Variants in NHS observed in about 807,000 individuals in gnomAD.
The protein encoded by NHS is actin remodeling regulator NHS.
Under a neutral mutation model 72.5 loss-of-function variants are expected in NHS, and 5 were observed. That is an observed-to-expected ratio of 0.07 (90% CI 0.04 to 0.14). NHS has a LOEUF of 0.14. Ranked by LOEUF, NHS falls within the 10% of genes least tolerant of loss-of-function variation. The probability of loss-of-function intolerance (pLI) is 1.00; values close to 1 mark genes in which losing one functional copy is unlikely to be tolerated. For missense variants in NHS, 1,072 were observed against 1,355.7 expected, an observed-to-expected ratio of 0.79 and a Z score of 3.29; for synonymous variants, 464 against 547.7, an observed-to-expected ratio of 0.85 and a Z score of 2.13.
chrX:17,432,353 C>T (rs1472088231), intron 1 of NHS, among the ~76,000 whole-genome samples: 1 of 112,539 alleles, frequency 8.9e-6, no homozygotes, highest in African/African-American at 3.2e-5. Flanking sequence ...GAAGCTGTGC[C>T]TGAGTGTGTC....
intron 1 of NHS, among the ~76,000 whole-genome samples, chrX:17,447,004 C>T (rs2064784193): frequency 8.9e-6 from 1 of 112,086 alleles, no homozygotes; most frequent in Non-Finnish European, 1.9e-5. Context: ...AAAATGCAAT[C>T]AGTAAGTAAC....
At chrX:17,440,079 G>T (rs938178820) in intron 1 of NHS, among the ~76,000 whole-genome samples, 1 of 109,255 alleles carries the variant, frequency 9.2e-6, no homozygotes, top group Non-Finnish European at 1.9e-5. Flanking sequence ...GGCCAACGTG[G>T]TGAAACCCCC....
At chrX:17,730,154 T>A (rs913939684) in intron 8 of NHS, among the ~76,000 whole-genome samples, 2 of 111,897 alleles carry the variant, frequency 1.8e-5, no homozygotes, top group South Asian at 7.5e-4. Flanking sequence ...TTATCTTCAA[T>A]CCCAGGAAAA....
chrX:17,618,308 T>G (rs1369545142), intron 1 of NHS, among the ~76,000 whole-genome samples: 1 of 112,154 alleles, frequency 8.9e-6, no homozygotes, highest in Non-Finnish European at 1.9e-5. Context: ...TACAGCCAAA[T>G]CCACATCATT....
At chrX:17,695,769 C>T (rs914196077) in intron 3 of NHS, among the ~76,000 whole-genome samples, 2 of 111,110 alleles carry the variant, frequency 1.8e-5, no homozygotes, top group Non-Finnish European at 3.8e-5. Flanking sequence ...CAAAAGTTCT[C>T]CAGGGGGAAC....
chrX:17,410,326 G>A (rs1328103306), intron 1 of NHS, among the ~76,000 whole-genome samples: 1 of 110,710 alleles, frequency 9.0e-6, no homozygotes, highest in African/African-American at 3.3e-5. Flanking sequence ...GAATCTGGTG[G>A]GATTACTTTG....
intron 1 of NHS, among the ~76,000 whole-genome samples, chrX:17,596,217 G>A (rs1351107388): frequency 1.8e-5 from 2 of 112,348 alleles, no homozygotes; most frequent in African/African-American, 6.5e-5. Flanking sequence ...TCAAGACAGA[G>A]GCAAAGTCTG....
rs775351254 is a variant in NHS at position 17,687,729 on chromosome X, T to TA, written c.566-13_566-12insA. ...AGCCACTGATGGACAACGCCCTGTTTCTTGTCTTGCAGCCGTCTCCAACCT... is the reference window on the plus strand; with the variant it reads ...AGCCACTGATGGACAACGCCCTGTTTACTTGTCTTGCAGCCGTCTCCAACCT... On this transcript the variant is annotated splice_polypyrimidine_tract_variant and intron_variant, in intron 1 of 8. Transcript: ENST00000676302. 4 of 1,060,366 alleles carry TA rather than the reference T, an allele frequency of 3.8e-6. No individual in the cohort carries two copies. The African/African-American group carries it at 1.6e-4, about 41-fold the overall frequency. 87.4% of individuals were successfully genotyped at this position (1,060,366 alleles called of 1,213,427 possible).
intron 1 of NHS, among the ~76,000 whole-genome samples, chrX:17,429,257 T>C (rs181860790): frequency 0.01 from 1,068 of 106,557 alleles, 10 homozygotes; most frequent in Admixed American, 0.034. Flanking sequence ...TGTGTGTGTG[T>C]GCACACGTGC....
intron 1 of NHS, among the ~76,000 whole-genome samples, chrX:17,499,941 G>A (rs2146923548): frequency 8.9e-6 from 1 of 112,192 alleles, no homozygotes; most frequent in East Asian, 2.8e-4. Flanking sequence ...TGCCATGCAG[G>A]GCTCTGAAAG....
intron 1 of NHS, among the ~76,000 whole-genome samples, chrX:17,567,475 G>C (rs779915418): frequency 8.9e-6 from 1 of 111,781 alleles, no homozygotes; most frequent in Non-Finnish European, 1.9e-5. Context: ...GGGGTTATGC[G>C]CTGTCTCATC....
intron 3 of NHS, among the ~76,000 whole-genome samples, chrX:17,719,086 G>A (rs2066389037): frequency 1.0e-5 from 1 of 99,092 alleles, no homozygotes; most frequent in South Asian, 5.3e-4. Context: ...AGGAAGGAGG[G>A]AAGAAAAGGA....
intron 1 of NHS, among the ~76,000 whole-genome samples, chrX:17,623,426 G>A (rs1461235271): frequency 9.0e-6 from 1 of 111,687 alleles, no homozygotes; most frequent in Non-Finnish European, 1.9e-5. Flanking sequence ...GCTAGACAGC[G>A]AATGAAGCCC....
At position 17,726,202 on chromosome X, in the gene NHS, C is replaced by A; in HGVS notation, c.2096C>A (p.Ala699Glu). The A allele has an allele frequency of 8.3e-7, 1 of 1,212,087 alleles. No individual in the cohort carries two copies. The highest frequency in any genetic ancestry group is 1.1e-6 in the Non-Finnish European group (1 of 895,593). The part of the protein sequence containing the change: ...DHLDKVRGHR[A>E]NSFTSTVADL... ...TTGGATAAAGTGAGAGGCCATCGGG[C>A]AAACTCCTTTACCTCCACTGTTGCA... Residue 699 changes from alanine to glutamate, a missense_variant, in exon 7 of 9, where the codon GCA becomes GAA. Physicochemically the swap from Ala to Glu is moderately radical, Grantham distance 107. Coordinates refer to ENST00000676302, the MANE Select transcript of NHS (RefSeq NM_001291867.2).
intron 1 of NHS, among the ~76,000 whole-genome samples, chrX:17,380,479 A>G (rs1254692579): frequency 2.7e-5 from 3 of 109,774 alleles, no homozygotes; most frequent in Non-Finnish European, 3.8e-5. Flanking sequence ...CGGCCCCCCA[A>G]GTAGCTAGGA....
chrX:17,596,138 C>T (rs1178978054), intron 1 of NHS, among the ~76,000 whole-genome samples: 2 of 112,379 alleles, frequency 1.8e-5, no homozygotes, highest in East Asian at 2.8e-4. Context: ...CTCAGTTTTT[C>T]AGTCTGTAGG....
chrX:17,676,548 AT>A (rs769103029), intron 1 of NHS, among the ~76,000 whole-genome samples: 3 of 112,666 alleles, frequency 2.7e-5, no homozygotes, highest in Non-Finnish European at 5.6e-5. Context: ...ACCCATAACT[AT>A]TTGTTTCGCT....
intron 1 of NHS, among the ~76,000 whole-genome samples, chrX:17,408,177 T>C (rs752710914): frequency 4.3e-4 from 47 of 110,520 alleles, no homozygotes; most frequent in Non-Finnish European, 7.2e-4. Flanking sequence ...GGCTAATTTT[T>C]GTATTTTTTG....
rs1466583853 is a variant in NHS at position 17,615,174 on chromosome X, TATATATATAGTATATATACAC to T, written c.566-72560_566-72540del. 6.2e-4 allele frequency among the ~76,000 whole-genome samples: 25 copies of T among 40,623 alleles called. No individual in the cohort carries two copies. The Middle Eastern group carries it at 0.032, about 51-fold the overall frequency. The allele number at this position is 40,623 out of a possible 115,157, so 35.3% of individuals were successfully genotyped here. On this transcript the variant is annotated intron_variant, in intron 1 of 8. Coordinates refer to ENST00000676302, the MANE Select transcript of NHS (RefSeq NM_001291867.2). ...CGTGTATATATACTATATATATACGTATATATATAGTATATATACACATATATACGTATATATATACGTATA... is the reference window on the plus strand; with the variant it reads ...CGTGTATATATACTATATATATACGTATATATACGTATATATATACGTATA...
Sources: gnomAD v4.1 joint callset for allele counts (sites outside exome capture counted in the v4.1 genomes callset) on GRCh38, gnomAD v4.1.1 for gene constraint, MANE v1.5 for transcripts, NCBI Gene and HGNC (gene_info 2026-07-23, HGNC 2026-07-21) for gene names.